The following TARBP1 variants were observed in gnomAD, a reference collection of about 807,000 sequenced individuals.
The protein encoded by TARBP1 is tRNA guanosine 2 -O-methyltransferase TARBP1.
Under a neutral mutation model 178.6 loss-of-function variants are expected in TARBP1, and 144 were observed. That is an observed-to-expected ratio of 0.81 (90% CI 0.70 to 0.93). TARBP1 has a LOEUF of 0.93. Ranked by LOEUF, TARBP1 falls within the 40% of genes least tolerant of loss-of-function variation. The pLI, the probability that TARBP1 is intolerant of heterozygous loss-of-function variation, is 0.00. For missense variants in TARBP1, 2,067 were observed against 2,011.7 expected, an observed-to-expected ratio of 1.03 and a Z score of -0.53; for synonymous variants, 787 against 781.0, an observed-to-expected ratio of 1.01 and a Z score of -0.13.
At position 234,406,010 on chromosome 1, in the gene TARBP1, A is replaced by T; in HGVS notation, c.3882T>A (p.Leu1294=). 6.2e-7 allele frequency: 1 copy of T among 1,614,168 alleles called. No individual in the cohort carries two copies. The change falls in exon 24 of 30, where the codon CTT becomes CTA. Residue 1294 remains leucine, a synonymous_variant. Transcript: ENST00000040877. ...CTTTACACACAGTCCAGAGTTTCTTAAGAGCAACTAAAGCATACAGTCGAA... is the reference window on the plus strand; with the variant it reads ...CTTTACACACAGTCCAGAGTTTCTTTAGAGCAACTAAAGCATACAGTCGAA... ...FSVRLYALVA[L]KKLWTVCKVL...
intron 9 of TARBP1, among the ~76,000 whole-genome samples, 192 bp from the exon 10 acceptor site, chr1:234,450,758 T>G (rs66616326): frequency 0.3 from 45,335 of 151,544 alleles, 6,940 homozygotes; most frequent in Admixed American, 0.41. Context: ...GTATATATAT[T>G]TATGTATGCG....
chr1:234,465,046 C>G (rs1668284840), intron 5 of TARBP1, among the ~76,000 whole-genome samples: 1 of 150,394 alleles, frequency 6.6e-6, no homozygotes, highest in Non-Finnish European at 1.5e-5. Context: ...ATTCACGGTT[C>G]TTAATATGGA....
At chr1:234,462,988 C>T (rs1310861872) in intron 6 of TARBP1, among the ~76,000 whole-genome samples, 1 of 152,212 alleles carries the variant, frequency 6.6e-6, no homozygotes, top group Non-Finnish European at 1.5e-5. Flanking sequence ...GTAGGTCCTG[C>T]TGCTGCTCAG....
intron 9 of TARBP1, among the ~76,000 whole-genome samples, chr1:234,456,420 C>T (rs1288651015): frequency 6.6e-6 from 1 of 152,172 alleles, no homozygotes; most frequent in Non-Finnish European, 1.5e-5. Flanking sequence ...AGGCTGGTCT[C>T]GAACTCCTGG....
chr1:234,392,313 G>C (rs1225555265), intron 29 of TARBP1, 103 bp downstream of exon 29: 12 of 1,429,946 alleles, frequency 8.4e-6, no homozygotes, highest in Middle Eastern at 1.8e-4. Flanking sequence ...TCCAGCCTGG[G>C]CTACAGAGTG....
At chr1:234,458,000 C>T (rs1293297113) in intron 8 of TARBP1, among the ~76,000 whole-genome samples, 1 of 138,604 alleles carries the variant, frequency 7.2e-6, no homozygotes, top group Non-Finnish European at 1.6e-5. Flanking sequence ...AAGACAGTCA[C>T]AATCTTAAAA....
chr1:234,432,674 C>G (rs980615058), intron 14 of TARBP1, among the ~76,000 whole-genome samples: 2 of 152,088 alleles, frequency 1.3e-5, no homozygotes, highest in Non-Finnish European at 2.9e-5. Flanking sequence ...CACGGAGGGA[C>G]CAGACTGAAT....
chr1:234,466,730 G>A (rs1668477137), intron 4 of TARBP1, among the ~76,000 whole-genome samples: 1 of 151,930 alleles, frequency 6.6e-6, no homozygotes, highest in Non-Finnish European at 1.5e-5. Flanking sequence ...AGGTGTGGTG[G>A]CACCCACCTG....
At chr1:234,403,074 G>C (rs750949651) in intron 24 of TARBP1, among the ~76,000 whole-genome samples, 1 of 151,892 alleles carries the variant, frequency 6.6e-6, no homozygotes, top group Non-Finnish European at 1.5e-5. Context: ...GCTCACCTCC[G>C]ATCTGCTCTT....
intron 6 of TARBP1, among the ~76,000 whole-genome samples, chr1:234,462,706 A>AG (rs1558245312): frequency 6.6e-6 from 1 of 151,256 alleles, no homozygotes; most frequent in East Asian, 1.9e-4. Context: ...AAAAAAAAAA[A>AG]GAATGACTCT....
intron 25 of TARBP1, among the ~76,000 whole-genome samples, chr1:234,400,059 A>G (rs1322037639): frequency 6.6e-6 from 1 of 152,168 alleles, no homozygotes; most frequent in Non-Finnish European, 1.5e-5. Context: ...AAAACAAAAA[A>G]AAAACAAATA....
chr1:234,457,318 A>G (rs1159417277), intron 9 of TARBP1, among the ~76,000 whole-genome samples: 1 of 152,262 alleles, frequency 6.6e-6, no homozygotes, highest in African/African-American at 2.4e-5. Flanking sequence ...GGGCCATTCA[A>G]TGACAGAAAA....
At chr1:234,472,355 A>ATG in intron 2 of TARBP1, among the ~76,000 whole-genome samples, 1 of 136,194 alleles carries the variant, frequency 7.3e-6, no homozygotes, top group African/African-American at 2.8e-5. Flanking sequence ...AAAAAAAAAA[A>ATG]AACTCAAAAG....
At chr1:234,417,679 A>G (rs906554500) in intron 22 of TARBP1, among the ~76,000 whole-genome samples, 1 of 152,220 alleles carries the variant, frequency 6.6e-6, no homozygotes, top group Non-Finnish European at 1.5e-5. Flanking sequence ...AACTGATATT[A>G]CTTCTATTCT....
chr1:234,475,417 C>A (rs137973080), intron 1 of TARBP1, among the ~76,000 whole-genome samples: 35 of 152,302 alleles, frequency 2.3e-4, no homozygotes, highest in African/African-American at 7.9e-4. Flanking sequence ...TAGGCGAATG[C>A]ATCTTATTCT....
chr1:234,405,923 C>T lies in TARBP1; in HGVS notation c.3969G>A (p.Val1323=). Residue 1323 remains valine (V), a synonymous_variant, in exon 24 of 30, where the codon GTG becomes GTA. Coordinates refer to ENST00000040877, the MANE Select transcript of TARBP1 (RefSeq NM_005646.4). ...TPVIESSLHQ[V]ESMHGAGNAK... ...CTTACCCTGCTCCGTGCATGCTTTCCACTTGATGGAGGCTGGATTCAATCA... is the reference window on the plus strand; with the variant it reads ...CTTACCCTGCTCCGTGCATGCTTTCTACTTGATGGAGGCTGGATTCAATCA... 1 of 1,614,072 alleles carries T rather than the reference C, an allele frequency of 6.2e-7. No homozygotes were observed. Among genetic ancestry groups the T allele is most frequent in the South Asian group, 1.1e-5 (1 of 91,074 alleles).
At position 234,418,158 on chromosome 1, in the gene TARBP1, T is replaced by C; in HGVS notation, c.3631A>G (p.Ile1211Val). The C allele has an allele frequency of 6.5e-7, 1 of 1,547,308 alleles. No individual in the cohort carries two copies. The highest frequency in any genetic ancestry group is 1.3e-5 in the South Asian group (1 of 77,740). The change falls in exon 22 of 30, where the codon ATA (isoleucine) becomes GTA (valine). Residue 1211 changes from isoleucine (I) to valine (V), a missense_variant. Coordinates refer to ENST00000040877, the MANE Select transcript of TARBP1 (RefSeq NM_005646.4). ...TNNQASIKYF[I>V]EWIIILILHK... ...AGAATCAATATAATAATCCATTCTA[T>C]AAAATATTTTATGGATGCTTGATTG...
chr1:234,467,707 G>A lies in TARBP1; in HGVS notation c.1100-57C>T, dbSNP rs1244337622. 2.1e-6 allele frequency: 3 copies of A among 1,451,332 alleles called. No individual in the cohort carries two copies. In the African/African-American group the frequency reaches 4.3e-5, roughly 21 times the overall value. 89.9% of individuals were successfully genotyped at this position (1,451,332 alleles called of 1,614,324 possible). A position where few individuals can be genotyped will look rare whatever the true frequency, so the allele number is the denominator to read the frequency against. The stretch of plus-strand genomic sequence containing the variant: ...GATTCTGTCTTCATTTCACCATCAA[G>A]ACTACATACTCATAAATAATGTACA... On this transcript the variant is annotated intron_variant, in intron 3 of 29. Transcript: ENST00000040877.
chr1:234,476,529 G>C (rs976984162), intron 1 of TARBP1, among the ~76,000 whole-genome samples: 3 of 152,180 alleles, frequency 2.0e-5, no homozygotes, highest in Non-Finnish European at 4.4e-5. Flanking sequence ...ATTTTGTAGA[G>C]GAAAGATTTA....
Sources: gnomAD v4.1 joint callset for allele counts (sites outside exome capture counted in the v4.1 genomes callset) on GRCh38, gnomAD v4.1.1 for gene constraint, MANE v1.5 for transcripts, NCBI Gene and HGNC (gene_info 2026-07-23, HGNC 2026-07-21) for gene names.